TMEM163: variants seen among roughly 807,000 people sequenced by gnomAD.
TMEM163 encodes transmembrane protein 163.
Under a neutral mutation model 29.3 loss-of-function variants are expected in TMEM163, and 17 were observed. The observed-to-expected ratio is 0.58, with a 90% CI of 0.40 to 0.87. The LOEUF (loss-of-function observed/expected upper bound fraction) is 0.87. TMEM163 is among the 40% of genes least tolerant of loss of function. TMEM163 has a pLI of 0.00. For missense variants in TMEM163, 303 were observed against 381.5 expected, an observed-to-expected ratio of 0.79 and a Z score of 1.71; for synonymous variants, 157 against 160.6, an observed-to-expected ratio of 0.98 and a Z score of 0.17.
At chr2:134,672,634 C>T (rs1292478618) in intron 2 of TMEM163, among the ~76,000 whole-genome samples, 1 of 152,104 alleles carries the variant, frequency 6.6e-6, no homozygotes, top group Admixed American at 6.6e-5. Flanking sequence ...ACTTCAGCCT[C>T]CTAAATTGCT....
chr2:134,536,114 C>T (rs193026884), intron 4 of TMEM163, among the ~76,000 whole-genome samples: 66 of 152,310 alleles, frequency 4.3e-4, no homozygotes, highest in African/African-American at 1.4e-3. Flanking sequence ...ACAGCAATGT[C>T]TTTTAATCCT....
At chr2:134,570,483 T>TATACATATACAC (rs1197867784) in intron 2 of TMEM163, among the ~76,000 whole-genome samples, 150 of 90,596 alleles carry the variant, frequency 1.7e-3, no homozygotes, top group African/African-American at 9.4e-3. Flanking sequence ...TACATATACA[T>TATACATATACAC]ATACATATAC....
intron 2 of TMEM163, among the ~76,000 whole-genome samples, chr2:134,691,955 T>C (rs1684478367): frequency 2.0e-5 from 3 of 152,184 alleles, no homozygotes; most frequent in Non-Finnish European, 2.9e-5. Context: ...GTGGATATCT[T>C]TGCAGATGTG....
At chr2:134,526,924 A>G (rs1366429213) in intron 4 of TMEM163, among the ~76,000 whole-genome samples, 6 of 152,220 alleles carry the variant, frequency 3.9e-5, no homozygotes, top group Non-Finnish European at 5.9e-5. Context: ...AAGTATGTCT[A>G]AAAAACAGCA....
intron 2 of TMEM163, among the ~76,000 whole-genome samples, chr2:134,675,027 G>A (rs1445236763): frequency 3.3e-5 from 5 of 152,130 alleles, no homozygotes; most frequent in African/African-American, 9.7e-5. Flanking sequence ...GCTCATTTCC[G>A]AGTAAATATC....
chr2:134,576,486 C>T (rs1437040331), intron 2 of TMEM163, among the ~76,000 whole-genome samples: 1 of 152,206 alleles, frequency 6.6e-6, no homozygotes, highest in Non-Finnish European at 1.5e-5. Context: ...CATTAAGTGG[C>T]AATAAGAATT....
intron 2 of TMEM163, among the ~76,000 whole-genome samples, chr2:134,644,241 T>C (rs2104842170): frequency 6.6e-6 from 1 of 152,288 alleles, no homozygotes; most frequent in African/African-American, 2.4e-5. Context: ...GAGATTTTTT[T>C]TCTAGATATA....
intron 4 of TMEM163, among the ~76,000 whole-genome samples, chr2:134,524,429 A>G (rs1680250199): frequency 1.3e-5 from 2 of 150,638 alleles, no homozygotes; most frequent in African/African-American, 4.9e-5. Context: ...TTTGTTACAT[A>G]GGTAACATGT....
intron 4 of TMEM163, among the ~76,000 whole-genome samples, chr2:134,548,481 C>G (rs1680838459): frequency 6.6e-6 from 1 of 152,216 alleles, no homozygotes; most frequent in Non-Finnish European, 1.5e-5. Flanking sequence ...CAGTGGCTAG[C>G]TCCTGAAATC....
intron 7 of TMEM163, 100 bp from the exon 8 acceptor site, chr2:134,456,876 C>G: frequency 8.0e-7 from 1 of 1,245,468 alleles, no homozygotes; most frequent in South Asian, 1.3e-5. Context: ...AATTCACATA[C>G]CATAAAATTC....
At chr2:134,641,263 G>A (rs1388416854) in intron 2 of TMEM163, among the ~76,000 whole-genome samples, 2 of 152,106 alleles carry the variant, frequency 1.3e-5, no homozygotes, top group African/African-American at 2.4e-5. Flanking sequence ...AAAAAGTGGT[G>A]GTGGAATAAC....
At chr2:134,624,930 T>G (rs1177046799) in intron 2 of TMEM163, among the ~76,000 whole-genome samples, 2 of 151,916 alleles carry the variant, frequency 1.3e-5, no homozygotes, top group African/African-American at 4.8e-5. Context: ...AATAAAAAAT[T>G]TAAAAATAAT....
chr2:134,540,135 G>A (rs1380907180), intron 4 of TMEM163, among the ~76,000 whole-genome samples: 1 of 152,220 alleles, frequency 6.6e-6, no homozygotes, highest in Non-Finnish European at 1.5e-5. Flanking sequence ...GCACTCCAGG[G>A]ATAGAACACT....
At chr2:134,585,225 T>TCCTGGGCTCAAGTGATCCTCCCA (rs1426054723) in intron 2 of TMEM163, among the ~76,000 whole-genome samples, 3 of 152,138 alleles carry the variant, frequency 2.0e-5, no homozygotes, top group Non-Finnish European at 4.4e-5. Context: ...AGATTCAAAC[T>TCCTGGGCTCAAGTGATCCTCCCA]CCTGGGCTCA....
chr2:134,554,624 A>T (rs1558943573), intron 2 of TMEM163, among the ~76,000 whole-genome samples: 1 of 152,098 alleles, frequency 6.6e-6, no homozygotes. Flanking sequence ...TCAAGTAGAC[A>T]TTCACTTGAT....
chr2:134,646,091 CTTT>C (rs748578299), intron 2 of TMEM163, among the ~76,000 whole-genome samples: 1 of 140,262 alleles, frequency 7.1e-6, no homozygotes, highest in African/African-American at 2.6e-5. Context: ...TGCGGAATGG[CTTT>C]TTTTTTTTTT....
At chr2:134,536,631 G>A (rs908994381) in intron 4 of TMEM163, among the ~76,000 whole-genome samples, 20 of 152,100 alleles carry the variant, frequency 1.3e-4, no homozygotes, top group Admixed American at 1.3e-4. Flanking sequence ...CTGGAAGAGC[G>A]AAACCTCTAT....
intron 2 of TMEM163, among the ~76,000 whole-genome samples, chr2:134,571,484 A>G (rs1268871125): frequency 6.6e-6 from 1 of 152,180 alleles, no homozygotes; most frequent in African/African-American, 2.4e-5. Context: ...AAAAAAATCT[A>G]AAGCATTCTA....
intron 5 of TMEM163, among the ~76,000 whole-genome samples, chr2:134,496,117 A>G (rs1015896071): frequency 4.6e-5 from 7 of 150,912 alleles, no homozygotes; most frequent in African/African-American, 1.7e-4. Flanking sequence ...GCTGGAGTGC[A>G]GTGGCGCAAT....
Sources: allele counts gnomAD v4.1 joint callset (sites outside exome capture counted in the v4.1 genomes callset), GRCh38; gene constraint gnomAD v4.1.1; transcripts MANE v1.5; gene names NCBI Gene and HGNC (gene_info 2026-07-23, HGNC 2026-07-21).